Variants in KCNE3 observed in about 807,000 individuals in gnomAD.
KCNE3 encodes the protein potassium voltage-gated channel subfamily E member 3.
Under a neutral mutation model 4.3 loss-of-function variants are expected in KCNE3, and 2 were observed. The ratio of observed to expected loss-of-function variants is 0.47; its 90% CI spans 0.19 to 1.48. KCNE3 has a LOEUF of 1.48. KCNE3 is among the 40% of genes most tolerant of loss of function. KCNE3 has a pLI of 0.25. For missense variants in KCNE3, 128 were observed against 136.8 expected, an observed-to-expected ratio of 0.94 and a Z score of 0.32; for synonymous variants, 47 against 52.0, an observed-to-expected ratio of 0.90 and a Z score of 0.41.
chr11:74,460,565 C>T (rs1863929626), intron 2 of KCNE3, among the ~76,000 whole-genome samples: 1 of 152,036 alleles, frequency 6.6e-6, no homozygotes, highest in Admixed American at 6.5e-5. Context: ...TTTTAAGAGG[C>T]AGAAAAGATG....
intron 2 of KCNE3, 97 bp downstream of exon 2, chr11:74,461,858 A>C (rs1282352691): frequency 6.6e-6 from 1 of 151,730 alleles, no homozygotes; most frequent in Non-Finnish European, 1.5e-5. Flanking sequence ...GCTCCATCCC[A>C]GGGCAGGGCA....
At chr11:74,459,465 T>C (rs538346508) in intron 2 of KCNE3, among the ~76,000 whole-genome samples, 1 of 152,156 alleles carries the variant, frequency 6.6e-6, no homozygotes, top group Non-Finnish European at 1.5e-5. Context: ...GGTTTCACCA[T>C]GTTAGCCAGG....
chr11:74,457,611 CAAAAG>C lies in KCNE3; in HGVS notation c.-40-13_-40-9del. ...GAAGACTCGGTAGAAGCTCTGGTGGCAAAAGAAAAGAGAGAGGGGATGGCTCTGTC... is the reference window on the plus strand; with the variant it reads ...GAAGACTCGGTAGAAGCTCTGGTGGCAAAAGAGAGAGGGGATGGCTCTGTC... On this transcript the variant is annotated splice_polypyrimidine_tract_variant and intron_variant, in intron 2 of 2. Transcript: ENST00000310128. 2 of 1,569,664 alleles carry C rather than the reference CAAAAG, an allele frequency of 1.3e-6. No individual in the cohort carries two copies. The highest frequency in any genetic ancestry group is 1.8e-6 in the Non-Finnish European group (2 of 1,140,108).
rs1863791203 is a variant in KCNE3, at chr11:74,455,591, C to G, written c.*1661G>C. The G allele has an allele frequency of 6.6e-6, 1 of 152,142 alleles. No individual in the cohort carries two copies. 9.4% of individuals were successfully genotyped at this position (152,142 alleles called of 1,614,324 possible). Reference sequence around the variant, plus strand: ...GAAAACGGATGAGGGAGAGAAGTGTCCAGCCTAAGATCATACATCACCTTA... The same window carrying G: ...GAAAACGGATGAGGGAGAGAAGTGTGCAGCCTAAGATCATACATCACCTTA... On this transcript the variant is annotated 3_prime_UTR_variant, in exon 3 of 3. Coordinates refer to ENST00000310128, the MANE Select transcript of KCNE3 (RefSeq NM_005472.5).
At chr11:74,458,624 A>G (rs562074065) in intron 2 of KCNE3, among the ~76,000 whole-genome samples, 27 of 152,150 alleles carry the variant, frequency 1.8e-4, no homozygotes, top group Non-Finnish European at 3.5e-4. Context: ...ACTTGAGATC[A>G]GGAGTTGGAG....
At chr11:74,460,734 C>G (rs1414884355) in intron 2 of KCNE3, among the ~76,000 whole-genome samples, 2 of 152,104 alleles carry the variant, frequency 1.3e-5, no homozygotes, top group Admixed American at 1.3e-4. Flanking sequence ...GAGTGCCACG[C>G]TGTAGAGTTG....
chr11:74,457,117 A>C lies in KCNE3; in HGVS notation c.*135T>G. ...CCCCTCTTCTCCCACCCCAGTGACGACCTCCCTTAACCGTGTTTCTTGTTG... is the reference window on the plus strand; with the variant it reads ...CCCCTCTTCTCCCACCCCAGTGACGCCCTCCCTTAACCGTGTTTCTTGTTG... On this transcript the variant is annotated 3_prime_UTR_variant, in exon 3 of 3. Coordinates refer to ENST00000310128, the MANE Select transcript of KCNE3 (RefSeq NM_005472.5). The C allele has an allele frequency of 4.6e-6, 4 of 878,894 alleles. No homozygotes were observed. Among genetic ancestry groups the C allele is most frequent in the Non-Finnish European group, 5.5e-6 (3 of 542,284 alleles). 54.4% of individuals were successfully genotyped at this position (878,894 alleles called of 1,614,324 possible).
Position 74,455,980 on chromosome 11 carries a change from G to C in KCNE3, c.*1272C>G, listed in dbSNP as rs905881678. 6.6e-6 allele frequency: 1 copy of C among 151,360 alleles called. No homozygotes were observed. The highest frequency in any genetic ancestry group is 2.4e-5 in the African/African-American group (1 of 41,248). 9.4% of individuals were successfully genotyped at this position (151,360 alleles called of 1,614,324 possible). A position where few individuals can be genotyped will look rare whatever the true frequency, so the allele number is the denominator to read the frequency against. ...TGACCTCAGGTGATCCGCCCACCTTGGCAGTATCAGTCTTTTAGAAGCAGA... is the reference window on the plus strand; with the variant it reads ...TGACCTCAGGTGATCCGCCCACCTTCGCAGTATCAGTCTTTTAGAAGCAGA... On this transcript the variant is annotated 3_prime_UTR_variant, in exon 3 of 3. Transcript: ENST00000310128.
Position 74,457,210 on chromosome 11 carries a change from T to A in KCNE3, c.*42A>T. The A allele has an allele frequency of 6.3e-7, 1 of 1,587,602 alleles. No homozygotes were observed. Among genetic ancestry groups the A allele is most frequent in the Non-Finnish European group, 8.6e-7 (1 of 1,161,562 alleles). ...AGAGTTCTGGAGGCCCCAGACGCAA[T>A]CCCCAGGTGTCTTGGTCTTCCACCG... is the stretch of plus-strand genomic sequence containing the variant. On this transcript the variant is annotated 3_prime_UTR_variant, in exon 3 of 3. Transcript: ENST00000310128.
At chr11:74,461,626 AAAAC>A (rs545345800) in intron 2 of KCNE3, among the ~76,000 whole-genome samples, 7 of 152,204 alleles carry the variant, frequency 4.6e-5, no homozygotes, top group African/African-American at 1.2e-4. Flanking sequence ...TCTGTCTCAA[AAAAC>A]AAACAAACAA....
intron 2 of KCNE3, among the ~76,000 whole-genome samples, chr11:74,459,438 AT>A (rs1209705949): frequency 7.3e-5 from 11 of 151,470 alleles, no homozygotes; most frequent in Non-Finnish European, 1.2e-4. Flanking sequence ...ATTTTTTTGT[AT>A]TTTTAGTAGA....
chr11:74,457,606 G>C lies in KCNE3; in HGVS notation c.-40-3C>G. ...TGGGGGAAGACTCGGTAGAAGCTCT[G>C]GTGGCAAAAGAAAAGAGAGAGGGGA... On this transcript the variant is annotated splice_polypyrimidine_tract_variant and splice_region_variant and intron_variant, in intron 2 of 2. Coordinates refer to ENST00000310128, the MANE Select transcript of KCNE3 (RefSeq NM_005472.5). The C allele has an allele frequency of 6.3e-7, 1 of 1,581,254 alleles. No homozygotes were observed. Among genetic ancestry groups the C allele is most frequent in the Middle Eastern group, 1.7e-4 (1 of 5,846 alleles).
chr11:74,457,371 T>C lies in KCNE3; in HGVS notation c.193A>G (p.Met65Val), dbSNP rs1863843236. 1.9e-6 allele frequency: 3 copies of C among 1,614,050 alleles called. No homozygotes were observed. The highest frequency in any genetic ancestry group is 3.3e-5 in the Admixed American group (2 of 60,008). ...DNSYMYILFV[M>V]FLFAVTVGSL... is the part of the protein sequence containing the mutation. Reference sequence around the variant, plus strand: ...CCCACAGTTACAGCAAATAGAAACATGACAAAGAGAATGTACATGTAGGAG... The same window carrying C: ...CCCACAGTTACAGCAAATAGAAACACGACAAAGAGAATGTACATGTAGGAG... The change falls in exon 3 of 3, where the codon ATG becomes GTG. Residue 65 changes from methionine (M) to valine (V), a missense_variant. Met to Val is a conservative substitution (Grantham distance 21). Transcript: ENST00000310128.
chr11:74,454,909 G>T lies in KCNE3; in HGVS notation c.*2343C>A, dbSNP rs34315739. 3 of 151,902 alleles carry T rather than the reference G, an allele frequency of 2.0e-5. No homozygotes were observed. The highest frequency in any genetic ancestry group is 7.3e-5 in the African/African-American group (3 of 41,340). 9.4% of individuals were successfully genotyped at this position (151,902 alleles called of 1,614,324 possible). A position where few individuals can be genotyped will look rare whatever the true frequency, so the allele number is the denominator to read the frequency against. On this transcript the variant is annotated 3_prime_UTR_variant, in exon 3 of 3. Transcript: ENST00000310128. ...TAAAGTCCTATCCACGTAAATTTCT[G>T]AATCTGTTGTCTTCCCATATGTCAC...
In KCNE3 at chr11:74,467,538, C is replaced by T. The variant is rs1864089182; in HGVS notation, c.-330G>A. 6.5e-6 allele frequency: 1 copy of T among 152,788 alleles called. No homozygotes were observed. The highest frequency in any genetic ancestry group is 2.1e-4 in the South Asian group (1 of 4,842). 9.5% of individuals were successfully genotyped at this position (152,788 alleles called of 1,614,324 possible). A position where few individuals can be genotyped will look rare whatever the true frequency, so the allele number is the denominator to read the frequency against. On this transcript the variant is annotated 5_prime_UTR_variant, in exon 1 of 3. Coordinates refer to ENST00000310128, the MANE Select transcript of KCNE3 (RefSeq NM_005472.5). This position sits in a 1 kb window ranked among gnomAD's most constrained non-coding sequence, Gnocchi z 4.4. The stretch of plus-strand genomic sequence containing the variant: ...CGGGTGCCCAGCACCGCCCAGCGCG[C>T]TCTCTGGCTCTGGGCTCCCACCCGC...
intron 2 of KCNE3, among the ~76,000 whole-genome samples, chr11:74,458,562 G>C (rs565475238): frequency 6.6e-6 from 1 of 152,340 alleles, no homozygotes; most frequent in Admixed American, 6.5e-5. Flanking sequence ...GTTGGGCACA[G>C]TGGCTCACGC....
intron 2 of KCNE3, among the ~76,000 whole-genome samples, chr11:74,457,947 C>T (rs1051709245): frequency 6.6e-6 from 1 of 152,294 alleles, no homozygotes; most frequent in Non-Finnish European, 1.5e-5. Flanking sequence ...TGCCTTCTGC[C>T]GTGATTGTGA....
At chr11:74,459,017 G>A (rs891341067) in intron 2 of KCNE3, among the ~76,000 whole-genome samples, 8 of 152,084 alleles carry the variant, frequency 5.3e-5, no homozygotes, top group Non-Finnish European at 7.4e-5. Flanking sequence ...TCAGGGAAAC[G>A]GGAACAGGTT....
At chr11:74,461,600 G>T (rs1863954988) in intron 2 of KCNE3, among the ~76,000 whole-genome samples, 1 of 151,990 alleles carries the variant, frequency 6.6e-6, no homozygotes, top group South Asian at 2.1e-4. Context: ...TCCAGCCTGG[G>T]CAGGAAAGCA....
Sources: gnomAD v4.1 joint callset for allele counts (sites outside exome capture counted in the v4.1 genomes callset) on GRCh38, gnomAD v4.1.1 for gene constraint, Gnocchi (gnomAD v3.1) non-coding constraint, MANE v1.5 for transcripts, NCBI Gene and HGNC (gene_info 2026-07-23, HGNC 2026-07-21) for gene names.